The following XRCC2 variants were observed in gnomAD, a reference collection of about 807,000 sequenced individuals.
The protein encoded by XRCC2 is DNA repair protein XRCC2.
A neutral mutation model predicts 27.3 loss-of-function variants in XRCC2; 24 were observed. The observed-to-expected ratio is 0.88, with a 90% CI of 0.64 to 1.24. XRCC2 has a LOEUF of 1.24. Ranked by LOEUF, XRCC2 falls within the 50% of genes most tolerant of loss-of-function variation. The pLI, the probability that XRCC2 is intolerant of heterozygous loss-of-function variation, is 0.00. For synonymous variants in XRCC2, 106 were observed against 115.4 expected, an observed-to-expected ratio of 0.92 and a Z score of 0.52; for missense variants, 321 against 325.8, an observed-to-expected ratio of 0.99 and a Z score of 0.11.
At chr7:152,659,559 T>C (rs527832425) in intron 2 of XRCC2, among the ~76,000 whole-genome samples, 1 of 151,052 alleles carries the variant, frequency 6.6e-6, no homozygotes, top group East Asian at 2.0e-4. Flanking sequence ...ATACCCAACA[T>C]CATTGGCCGT....
intron 2 of XRCC2, among the ~76,000 whole-genome samples, chr7:152,654,576 G>A (rs953896504): frequency 6.6e-6 from 1 of 152,120 alleles, no homozygotes; most frequent in African/African-American, 2.4e-5. Flanking sequence ...TGTGTAGTCC[G>A]CAAAAGCACA....
chr7:152,665,487 CTTTTTTTTT>C (rs66692067), intron 1 of XRCC2, among the ~76,000 whole-genome samples: 1,774 of 84,374 alleles, frequency 0.021, 48 homozygotes, highest in African/African-American at 0.074. Flanking sequence ...TAAGACAAAC[CTTTTTTTTT>C]TTTTTTTTTT....
intron 1 of XRCC2, among the ~76,000 whole-genome samples, chr7:152,673,488 A>G (rs1020055306): frequency 6.6e-6 from 1 of 151,896 alleles, no homozygotes; most frequent in Admixed American, 6.6e-5. Context: ...TTACAACTTT[A>G]TTTTCTTGAA....
intron 2 of XRCC2, among the ~76,000 whole-genome samples, chr7:152,653,187 A>G (rs1039211477): frequency 2.6e-5 from 4 of 152,096 alleles, no homozygotes; most frequent in African/African-American, 9.7e-5. Flanking sequence ...GCTTATTATA[A>G]GGGAGAATTT....
At position 152,660,707 on chromosome 7, in the gene XRCC2, C is replaced by T. The variant is rs730882040; in HGVS notation, c.115G>A (p.Val39Met). The T allele has an allele frequency of 7.1e-5, 114 of 1,611,182 alleles. No homozygotes were observed. The highest frequency in any genetic ancestry group is 6.0e-4 in the East Asian group (27 of 44,846). The change falls in exon 2 of 3, where the codon GTG becomes ATG. Residue 39 changes from valine (V) to methionine (M), a missense_variant. Transcript: ENST00000359321. ...TAAAGGTTGTATTTTTTACCATGCA[C>T]AGGTGAATCTTCATCAGCAAACAGA... ...PNLFADEDSP[V>M]HGDILEFHGP...
At position 152,648,988 on chromosome 7, in the gene XRCC2, AC is replaced by A; in HGVS notation, c.496del (p.Val166Ter). The A allele has an allele frequency of 6.2e-7, 1 of 1,614,232 alleles. No individual in the cohort carries two copies. On this transcript the variant is annotated frameshift_variant, in exon 3 of 3. Transcript: ENST00000359321. LOFTEE classifies it high-confidence loss of function. ...CCTCAGAGTAGACTCCTGTAAGTTC[AC>A]ACTTTCTCCTCCATTGACGCGGTCT... Reference protein sequence around the residue: ...WIDRVNGGESVNLQESTLRKC... With the variant: ...WIDRVNGGESXNLQESTLRKC...
In XRCC2 at chr7:152,648,501, C is replaced by A. The variant is rs867325359; in HGVS notation, c.*141G>T. 73 of 877,264 alleles carry A rather than the reference C, an allele frequency of 8.3e-5. No homozygotes were observed. Among genetic ancestry groups the A allele is most frequent in the Non-Finnish European group, 9.4e-5 (56 of 597,746 alleles). The allele number at this position is 877,264 out of a possible 1,614,324, so 54.3% of individuals were successfully genotyped here. Reference sequence around the variant, plus strand: ...TCTAGGAGGCACACATAGGAGGATCCCTTGAGGCCAGGAGTTCAAGGCTGC... The same window carrying A: ...TCTAGGAGGCACACATAGGAGGATCACTTGAGGCCAGGAGTTCAAGGCTGC... On this transcript the variant is annotated 3_prime_UTR_variant, in exon 3 of 3. Coordinates refer to ENST00000359321, the MANE Select transcript of XRCC2 (RefSeq NM_005431.2).
intron 2 of XRCC2, among the ~76,000 whole-genome samples, chr7:152,653,175 A>G (rs2098029265): frequency 6.6e-6 from 1 of 152,090 alleles, no homozygotes; most frequent in Non-Finnish European, 1.5e-5. Flanking sequence ...ATGGGATCTG[A>G]TGCTTATTAT....
chr7:152,666,062 T>C lies in XRCC2; in HGVS notation c.40-5280A>G, dbSNP rs1290410653. On this transcript the variant is annotated intron_variant, in intron 1 of 2. Coordinates refer to ENST00000359321, the MANE Select transcript of XRCC2 (RefSeq NM_005431.2). ...GTAAAACAACATCATTTTTCTCAGT[T>C]TTTTCTTAGAAAAATACAGCTTTTT... Among the ~76,000 whole-genome samples, 3 of 108,794 alleles carry C rather than the reference T, an allele frequency of 2.8e-5. No homozygotes were observed. The Admixed American group carries it at 3.4e-4, about 12-fold the overall frequency. 71.4% of individuals were successfully genotyped at this position (108,794 alleles called of 152,430 possible). A position where few individuals can be genotyped will look rare whatever the true frequency, so the allele number is the denominator to read the frequency against.
chr7:152,648,102 C>T lies in XRCC2; in HGVS notation c.*540G>A, dbSNP rs1488182565. On this transcript the variant is annotated 3_prime_UTR_variant, in exon 3 of 3. Transcript: ENST00000359321. ...AACAAATCCATTCTGTAAAGAAATA[C>T]TGTTAATTCCCCTAGAGTTTAAAAC... 1.3e-5 allele frequency: 2 copies of T among 152,186 alleles called. No individual in the cohort carries two copies. Among genetic ancestry groups the T allele is most frequent in the Non-Finnish European group, 2.9e-5 (2 of 68,048 alleles). The allele number at this position is 152,186 out of a possible 1,614,324, so 9.4% of individuals were successfully genotyped here. A position where few individuals can be genotyped will look rare whatever the true frequency, so the allele number is the denominator to read the frequency against.
chr7:152,662,007 CA>C (rs2098033333), intron 1 of XRCC2, among the ~76,000 whole-genome samples: 1 of 152,192 alleles, frequency 6.6e-6, no homozygotes, highest in South Asian at 2.1e-4. Flanking sequence ...CCCTGTCGCC[CA>C]GGCTGGAGTT....
chr7:152,673,347 T>A (rs1286318951), intron 1 of XRCC2, among the ~76,000 whole-genome samples: 2 of 149,702 alleles, frequency 1.3e-5, no homozygotes, highest in Non-Finnish European at 2.9e-5. Context: ...CACACCCAGC[T>A]AATTTTTTTT....
In XRCC2 at chr7:152,660,782, G is replaced by C. The variant is rs1029144797; in HGVS notation, c.40C>G (p.Leu14Val). 2.5e-6 allele frequency: 4 copies of C among 1,605,922 alleles called. No individual in the cohort carries two copies. The African/African-American group carries it at 4.0e-5, about 16-fold the overall frequency. Residue 14 changes from leucine to valine, a missense_variant and splice_region_variant, in exon 2 of 3, where the codon CTC (leucine) becomes GTC (valine). Transcript: ENST00000359321. Reference sequence around the variant, plus strand: ...CTTCTACCTTCAAGTCGGGCAAGGAGCTTATAAAAGAAGAGAGAAGGAAAA... The same window carrying C: ...CTTCTACCTTCAAGTCGGGCAAGGACCTTATAAAAGAAGAGAGAAGGAAAA... Reference protein sequence around the residue: ...AFHRAESGTELLARLEGRSSL... With the variant: ...AFHRAESGTEVLARLEGRSSL...
At chr7:152,657,164 AG>A (rs2098031028) in intron 2 of XRCC2, among the ~76,000 whole-genome samples, 2 of 140,422 alleles carry the variant, frequency 1.4e-5, no homozygotes, top group Non-Finnish European at 3.1e-5. Context: ...TGAACCCAGG[AG>A]GAGGAGGTTG....
In XRCC2 at chr7:152,647,273, T is replaced by TA. The variant is rs2098026415; in HGVS notation, c.*1368dup. 1.3e-5 allele frequency: 2 copies of TA among 152,260 alleles called. No homozygotes were observed. The highest frequency in any genetic ancestry group is 4.1e-4 in the South Asian group (2 of 4,828). 9.4% of individuals were successfully genotyped at this position (152,260 alleles called of 1,614,324 possible). A position where few individuals can be genotyped will look rare whatever the true frequency, so the allele number is the denominator to read the frequency against. ...GGTGGTTTTTTCTTCTAAATTTGTT[T>TA]AAATTACGTATAGATGCTGGATTTC... is the stretch of plus-strand genomic sequence containing the variant. On this transcript the variant is annotated 3_prime_UTR_variant, in exon 3 of 3. Coordinates refer to ENST00000359321, the MANE Select transcript of XRCC2 (RefSeq NM_005431.2).
intron 1 of XRCC2, among the ~76,000 whole-genome samples, chr7:152,666,743 A>G (rs926625357): frequency 6.6e-6 from 1 of 150,512 alleles, no homozygotes; most frequent in African/African-American, 2.4e-5. Flanking sequence ...TCAGCCTCCT[A>G]AGTAGCTGGA....
At chr7:152,665,701 C>T (rs3218443) in intron 1 of XRCC2, among the ~76,000 whole-genome samples, 2,010 of 151,764 alleles carry the variant, frequency 0.013, 43 homozygotes, top group African/African-American at 0.046. Flanking sequence ...AGGCTGGTCT[C>T]GAACTCCTGG....
chr7:152,675,991 A>G, intron 1 of XRCC2, 50 bp downstream of exon 1: 1 of 1,611,708 alleles, frequency 6.2e-7, no homozygotes, highest in Non-Finnish European at 8.5e-7. Flanking sequence ...CCCCTCGCCC[A>G]CCGGCGGCCT....
Position 152,668,326 on chromosome 7 carries a change from TAGG to T in XRCC2, c.40-7547_40-7545del, listed in dbSNP as rs551749892. Among the ~76,000 whole-genome samples the T allele has an allele frequency of 7.9e-5, 12 of 152,302 alleles. No individual in the cohort carries two copies. In the South Asian group the frequency reaches 2.3e-3, roughly 29 times the overall value. ...TGTATGGGAAAAAACATAGTGTATA[TAGG>T]GTTCACTACTATCTGTGGTTTCAGC... On this transcript the variant is annotated intron_variant, in intron 1 of 2. Transcript: ENST00000359321.
Sources: gnomAD v4.1 joint callset for allele counts (sites outside exome capture counted in the v4.1 genomes callset) on GRCh38, gnomAD v4.1.1 for gene constraint, MANE v1.5 for transcripts, NCBI Gene and HGNC (gene_info 2026-07-23, HGNC 2026-07-21) for gene names.